VPS53: variants seen among roughly 807,000 people sequenced by gnomAD.
VPS53 encodes VPS53 subunit of GARP complex.
A neutral mutation model predicts 107.0 loss-of-function variants in VPS53; 70 were observed. The observed-to-expected ratio is 0.65, with a 90% CI of 0.54 to 0.80. VPS53 has a LOEUF of 0.80. Ranked by LOEUF, VPS53 falls within the 30% of genes least tolerant of loss-of-function variation. The pLI is 0.00. For missense variants in VPS53, 917 were observed against 1,049.4 expected, an observed-to-expected ratio of 0.87 and a Z score of 1.74; for synonymous variants, 409 against 393.3, an observed-to-expected ratio of 1.04 and a Z score of -0.47.
intron 10 of VPS53, among the ~76,000 whole-genome samples, chr17:625,529 T>G (rs1239287860): frequency 4.0e-5 from 6 of 149,202 alleles, no homozygotes; most frequent in African/African-American, 7.4e-5. Flanking sequence ...GCGTGAACAC[T>G]ACCATGAACT....
chr17:669,691 AGACCATCCTGCCCAACATGGT>A (rs1168437610), intron 4 of VPS53, among the ~76,000 whole-genome samples: 2 of 151,788 alleles, frequency 1.3e-5, no homozygotes, highest in Non-Finnish European at 2.9e-5. Flanking sequence ...CAAGAGATCA[AGACCATCCTGCCCAACATGGT>A]GAAACCCCAT....
chr17:666,239 A>T (rs972611222), intron 4 of VPS53, among the ~76,000 whole-genome samples: 4 of 152,104 alleles, frequency 2.6e-5, no homozygotes, highest in African/African-American at 7.2e-5. Context: ...AGTCTAAAAT[A>T]AAAAAAAGCA....
intron 7 of VPS53, among the ~76,000 whole-genome samples, chr17:642,663 C>A (rs1246899353): frequency 1.3e-5 from 2 of 150,074 alleles, no homozygotes; most frequent in East Asian, 4.1e-4. Context: ...ACTTGGAAAG[C>A]GAGGACAACA....
intron 5 of VPS53, 40 bp from the exon 6 acceptor site, chr17:655,993 C>A: frequency 6.4e-7 from 1 of 1,563,382 alleles, no homozygotes; most frequent in South Asian, 1.1e-5. Context: ...GGAAGACGGT[C>A]AAGAAAGATG....
chr17:565,365 T>C (rs1445645603), intron 13 of VPS53, among the ~76,000 whole-genome samples: 2 of 137,510 alleles, frequency 1.5e-5, no homozygotes, highest in African/African-American at 5.5e-5. Flanking sequence ...ATCGTACCAT[T>C]GCACTACAGC....
chr17:588,220 A>G (rs1331968313), intron 12 of VPS53, among the ~76,000 whole-genome samples: 4 of 152,212 alleles, frequency 2.6e-5, no homozygotes, highest in Non-Finnish European at 5.9e-5. Flanking sequence ...TGAGAGGCTG[A>G]GGTAGAAAAA....
Position 517,153 on chromosome 17 carries a change from G to C in VPS53, c.*1975C>G, listed in dbSNP as rs1908368390. On this transcript the variant is annotated 3_prime_UTR_variant, in exon 22 of 22. Transcript: ENST00000437048. ...GGGGCATCTACAGGGCTTCCTGGGGGCTCTCCCGACTGCCGCCCCCCGCCC... is the reference window on the plus strand; with the variant it reads ...GGGGCATCTACAGGGCTTCCTGGGGCCTCTCCCGACTGCCGCCCCCCGCCC... 7.1e-6 allele frequency: 2 copies of C among 283,166 alleles called. No individual in the cohort carries two copies. Among genetic ancestry groups the C allele is most frequent in the Non-Finnish European group, 1.3e-5 (2 of 153,950 alleles). The allele number at this position is 283,166 out of a possible 1,614,324, so 17.5% of individuals were successfully genotyped here.
chr17:663,458 C>G (rs1446656543), intron 4 of VPS53, among the ~76,000 whole-genome samples: 1 of 151,010 alleles, frequency 6.6e-6, no homozygotes, highest in Non-Finnish European at 1.5e-5. Flanking sequence ...CCTGTGAGTG[C>G]CAGCAGCCCA....
At chr17:548,693 C>A (rs1030330923) in intron 17 of VPS53, among the ~76,000 whole-genome samples, 1 of 152,268 alleles carries the variant, frequency 6.6e-6, no homozygotes, top group African/African-American at 2.4e-5. Flanking sequence ...AGGGTATAGA[C>A]TCCTTGAGGA....
At chr17:662,865 GGAAGGAAC>G (rs1238915211) in intron 4 of VPS53, among the ~76,000 whole-genome samples, 5 of 82,760 alleles carry the variant, frequency 6.0e-5, no homozygotes, top group South Asian at 8.5e-4. Context: ...AAGGAAGGAA[GGAAGGAAC>G]GAAGGAAGGA....
intron 1 of VPS53, among the ~76,000 whole-genome samples, chr17:713,867 C>G (rs1002785304): frequency 7.0e-6 from 1 of 141,916 alleles, no homozygotes; most frequent in South Asian, 2.3e-4. Context: ...CGGTGAAACC[C>G]CCGTCTTTAC....
intron 5 of VPS53, chr17:657,373 G>A (rs1354798634): frequency 2.3e-5 from 18 of 778,530 alleles, no homozygotes; most frequent in Middle Eastern, 2.6e-4. Context: ...TTAATGAACC[G>A]CTGCATGCAA....
Position 599,294 on chromosome 17 carries a change from C to T in VPS53, c.1218+2501G>A, listed in dbSNP as rs1316790094. Among the ~76,000 whole-genome samples, 9 of 152,130 alleles carry T rather than the reference C, an allele frequency of 5.9e-5. No homozygotes were observed. The South Asian group carries it at 6.2e-4, about 11-fold the overall frequency. On this transcript the variant is annotated intron_variant, in intron 12 of 21. Transcript: ENST00000437048. ...GAACGGGCCATGATGACAATGGCGG[C>T]TTTGTGGAATAGAAAGTGGGGAAAG...
intron 19 of VPS53, among the ~76,000 whole-genome samples, chr17:527,325 A>G (rs959843172): frequency 1.3e-5 from 2 of 152,070 alleles, no homozygotes; most frequent in Non-Finnish European, 2.9e-5. Flanking sequence ...CTGCTTCATA[A>G]ACTTGCTGTG....
chr17:593,120 A>C (rs974853985), intron 12 of VPS53, among the ~76,000 whole-genome samples: 2 of 152,190 alleles, frequency 1.3e-5, no homozygotes, highest in African/African-American at 4.8e-5. Context: ...AGAAAGCTGA[A>C]ACTGGATCCC....
rs549600257 is a variant in VPS53 at position 670,279 on chromosome 17, G to A, written c.286-8384C>T. Among the ~76,000 whole-genome samples the A allele has an allele frequency of 2.5e-4, 38 of 152,258 alleles. No individual in the cohort carries two copies. The South Asian group carries it at 6.6e-3, about 27-fold the overall frequency. ...CCTGTATCTGACGGTGTTATAAAGC[G>A]GTGACTGCCGTGCTCCTCTTTTAAG... On this transcript the variant is annotated intron_variant, in intron 4 of 21. Coordinates refer to ENST00000437048, the MANE Select transcript of VPS53 (RefSeq NM_001128159.3).
intron 13 of VPS53, among the ~76,000 whole-genome samples, chr17:562,998 G>A (rs1913166560): frequency 6.6e-6 from 1 of 152,032 alleles, no homozygotes; most frequent in Non-Finnish European, 1.5e-5. Context: ...ACTTTTCAAG[G>A]CATTTCATTA....
At position 685,994 on chromosome 17, in the gene VPS53, G is replaced by A. The variant is rs188910392; in HGVS notation, c.285+11424C>T. 4.5e-3 allele frequency among the ~76,000 whole-genome samples: 680 copies of A among 151,278 alleles called. 7 individuals carry two copies. The highest frequency in any genetic ancestry group is 7.2e-3 in the Non-Finnish European group (488 of 67,852). Reference sequence around the variant, plus strand: ...ACTCCAGCCTGGATGACCCTGGAGCGAGACCCTGTCTCTAAAAAAAAAAAC... The same window carrying A: ...ACTCCAGCCTGGATGACCCTGGAGCAAGACCCTGTCTCTAAAAAAAAAAAC... On this transcript the variant is annotated intron_variant, in intron 4 of 21. Coordinates refer to ENST00000437048, the MANE Select transcript of VPS53 (RefSeq NM_001128159.3).
At chr17:671,618 C>T (rs1166576868) in intron 4 of VPS53, among the ~76,000 whole-genome samples, 1 of 152,092 alleles carries the variant, frequency 6.6e-6, no homozygotes, top group Non-Finnish European at 1.5e-5. Context: ...TCTTCCCCTC[C>T]GCATGCGAAA....
Sources: gnomAD v4.1 joint callset for allele counts (sites outside exome capture counted in the v4.1 genomes callset) on GRCh38, gnomAD v4.1.1 for gene constraint, MANE v1.5 for transcripts, NCBI Gene and HGNC (gene_info 2026-07-23, HGNC 2026-07-21) for gene names.